Variants in MCTP2 observed in about 807,000 individuals in gnomAD.
The protein encoded by MCTP2 is multiple C2 and transmembrane domain containing 2, also known as multiple C2 and transmembrane domain-containing protein 2.
Under a neutral mutation model 111.6 loss-of-function variants are expected in MCTP2, and 132 were observed. The ratio of observed to expected loss-of-function variants is 1.18; its 90% CI spans 1.03 to 1.37. The LOEUF (loss-of-function observed/expected upper bound fraction) is 1.37. Ranked by LOEUF, MCTP2 falls within the 40% of genes most tolerant of loss-of-function variation. MCTP2 has a pLI of 0.00. For missense variants in MCTP2, 1,183 were observed against 1,067.9 expected, an observed-to-expected ratio of 1.11 and a Z score of -1.50; for synonymous variants, 395 against 387.7, an observed-to-expected ratio of 1.02 and a Z score of -0.22.
At position 94,353,353 on chromosome 15, in the gene MCTP2, C is replaced by T. The variant is rs749651805; in HGVS notation, c.1006-2784C>T. 3.9e-5 allele frequency among the ~76,000 whole-genome samples: 6 copies of T among 152,128 alleles called. No individual in the cohort carries two copies. The South Asian group carries it at 6.2e-4, about 16-fold the overall frequency. On this transcript the variant is annotated intron_variant, in intron 8 of 22. Transcript: ENST00000357742. Reference sequence around the variant, plus strand: ...CTCAGCCTTGCCCTCCCATGCTGTTCCGCCATATGGAACCGATCTCTAGGC... The same window carrying T: ...CTCAGCCTTGCCCTCCCATGCTGTTTCGCCATATGGAACCGATCTCTAGGC...
chr15:94,283,448 A>G (rs1377648464), intron 1 of MCTP2, among the ~76,000 whole-genome samples: 1 of 152,116 alleles, frequency 6.6e-6, no homozygotes, highest in Non-Finnish European at 1.5e-5. Context: ...TGTCTCTGCT[A>G]ACTATCTGGG....
intron 1 of MCTP2, among the ~76,000 whole-genome samples, chr15:94,245,330 AT>A (rs1177134013): frequency 1.4e-5 from 2 of 139,554 alleles, no homozygotes; most frequent in Non-Finnish European, 3.1e-5. Flanking sequence ...ATTTACATAC[AT>A]ATGTGTAGAT....
chr15:94,420,535 G>A (rs1308474625), intron 17 of MCTP2, among the ~76,000 whole-genome samples: 2 of 152,086 alleles, frequency 1.3e-5, no homozygotes, highest in African/African-American at 2.4e-5. Flanking sequence ...ACATTAACAC[G>A]AGTTTAGAAG....
At chr15:94,317,941 T>G (rs1170376226) in intron 4 of MCTP2, among the ~76,000 whole-genome samples, 4 of 152,148 alleles carry the variant, frequency 2.6e-5, no homozygotes, top group South Asian at 2.1e-4. Flanking sequence ...TTTCTATTAT[T>G]ATTATAAATG....
At chr15:94,377,071 C>T (rs1419408506) in intron 12 of MCTP2, among the ~76,000 whole-genome samples, 2 of 152,104 alleles carry the variant, frequency 1.3e-5, no homozygotes, top group African/African-American at 4.8e-5. Flanking sequence ...ATAGTGACTA[C>T]AAGTTTTTTT....
chr15:94,400,969 T>G (rs1266785863), intron 16 of MCTP2, among the ~76,000 whole-genome samples: 1 of 152,172 alleles, frequency 6.6e-6, no homozygotes, highest in East Asian at 1.9e-4. Flanking sequence ...AATGTCTTAT[T>G]TTATTATTGT....
intron 21 of MCTP2, among the ~76,000 whole-genome samples, chr15:94,474,683 A>AC (rs2074205408): frequency 6.6e-6 from 1 of 152,018 alleles, no homozygotes. Flanking sequence ...ACATGGCGAA[A>AC]CCCCATCTCT....
chr15:94,336,383 A>T (rs888248221), intron 4 of MCTP2, among the ~76,000 whole-genome samples: 3 of 151,912 alleles, frequency 2.0e-5, no homozygotes, highest in Non-Finnish European at 2.9e-5. Flanking sequence ...TCCTTCTTGG[A>T]CTTTGTGTTA....
chr15:94,387,276 C>T (rs1330443886), intron 14 of MCTP2, among the ~76,000 whole-genome samples: 2 of 151,680 alleles, frequency 1.3e-5, no homozygotes, highest in Non-Finnish European at 2.9e-5. Flanking sequence ...TCATATGGAG[C>T]TGCCCTGTGC....
chr15:94,421,251 A>G (rs138227259), intron 17 of MCTP2, among the ~76,000 whole-genome samples: 12 of 152,150 alleles, frequency 7.9e-5, no homozygotes, highest in Middle Eastern at 6.8e-3. Flanking sequence ...CATAATCTTT[A>G]TTATGTACTG....
chr15:94,392,480 G>A (rs2081042087), intron 14 of MCTP2, among the ~76,000 whole-genome samples: 1 of 151,840 alleles, frequency 6.6e-6, no homozygotes, highest in African/African-American at 2.4e-5. Context: ...AATAAAACTA[G>A]AATTGTCAAA....
intron 2 of MCTP2, among the ~76,000 whole-genome samples, chr15:94,311,311 G>C (rs137922199): frequency 0.25 from 38,133 of 151,884 alleles, 6,702 homozygotes; most frequent in African/African-American, 0.49. Flanking sequence ...ACAGGCATGA[G>C]CCACTACACT....
chr15:94,281,729 G>C (rs886960442), intron 1 of MCTP2, among the ~76,000 whole-genome samples: 7 of 152,070 alleles, frequency 4.6e-5, no homozygotes, highest in Non-Finnish European at 1.0e-4. Flanking sequence ...ATTCCCATAA[G>C]GACCTCTTAT....
intron 9 of MCTP2, among the ~76,000 whole-genome samples, chr15:94,357,820 A>T (rs2078714226): frequency 6.6e-6 from 1 of 152,200 alleles, no homozygotes; most frequent in Admixed American, 6.5e-5. Context: ...CAAAAATGAA[A>T]ATCCTGCCAA....
At chr15:94,369,714 T>G (rs1017441094) in intron 11 of MCTP2, among the ~76,000 whole-genome samples, 24 of 152,190 alleles carry the variant, frequency 1.6e-4, no homozygotes, top group African/African-American at 5.8e-4. Context: ...AATAATGTTG[T>G]GTTTCAGAGT....
At chr15:94,383,546 C>T (rs1422336764) in intron 12 of MCTP2, among the ~76,000 whole-genome samples, 1 of 152,088 alleles carries the variant, frequency 6.6e-6, no homozygotes, top group Non-Finnish European at 1.5e-5. Context: ...GCTGGGGAGG[C>T]CTCACAATCG....
rs1001412435 is a variant in MCTP2 at position 94,470,228 on chromosome 15, TA to T, written c.2361-97del. 2.2e-4 allele frequency: 197 copies of T among 885,746 alleles called. 1 individual carries two copies. The highest frequency in any genetic ancestry group is 3.1e-4 in the South Asian group (19 of 60,896). 54.9% of individuals were successfully genotyped at this position (885,746 alleles called of 1,614,324 possible). A position where few individuals can be genotyped will look rare whatever the true frequency, so the allele number is the denominator to read the frequency against. On this transcript the variant is annotated intron_variant, in intron 20 of 22. Coordinates refer to ENST00000357742, the MANE Select transcript of MCTP2 (RefSeq NM_001385001.1). ...TTAACAAAATTTTTCCAATAGACTG[TA>T]AAAAAAATTTCTATAATTATGAACA...
intron 17 of MCTP2, among the ~76,000 whole-genome samples, chr15:94,436,778 G>A (rs915140902): frequency 6.6e-6 from 1 of 151,840 alleles, no homozygotes; most frequent in Non-Finnish European, 1.5e-5. Flanking sequence ...GTTACATTTA[G>A]TAATTTAAAA....
intron 1 of MCTP2, among the ~76,000 whole-genome samples, chr15:94,260,983 C>T (rs1162209483): frequency 6.6e-6 from 1 of 152,168 alleles, no homozygotes; most frequent in South Asian, 2.1e-4. Context: ...TTCATCAGCA[C>T]GATGAAACCT....
Sources: allele counts gnomAD v4.1 joint callset (sites outside exome capture counted in the v4.1 genomes callset), GRCh38; gene constraint gnomAD v4.1.1; transcripts MANE v1.5; gene names NCBI Gene and HGNC (gene_info 2026-07-23, HGNC 2026-07-21).